Variants in ZMYM2 observed in about 807,000 individuals in gnomAD.
The protein encoded by ZMYM2 is zinc finger MYM-type containing 2.
Under a neutral mutation model 162.8 loss-of-function variants are expected in ZMYM2, and 56 were observed. The ratio of observed to expected loss-of-function variants is 0.34; its 90% CI spans 0.28 to 0.43. The LOEUF is 0.43. ZMYM2 is among the 20% of genes least tolerant of loss of function. ZMYM2 has a pLI of 1.00. For missense variants in ZMYM2, 1,275 were observed against 1,621.8 expected (o/e 0.79, Z 3.67); for synonymous variants, 510 against 541.6 (o/e 0.94, Z 0.81).
intron 8 of ZMYM2, among the ~76,000 whole-genome samples, chr13:20,026,971 C>A (rs1019147592): frequency 6.6e-6 from 1 of 152,002 alleles, no homozygotes; most frequent in Non-Finnish European, 1.5e-5. Flanking sequence ...GTTACTCCAT[C>A]TAAAAAATTA....
the ZMYM2 span, among the ~76,000 whole-genome samples, chr13:19,948,960 T>TTTTTG: frequency 2.0e-5 from 3 of 152,218 alleles, no homozygotes; most frequent in Admixed American, 6.5e-5. Context: ...TGTGTATGTG[T>TTTTTG]TTTTGTTTTG....
upstream of ZMYM2, among the ~76,000 whole-genome samples, chr13:19,958,269 G>A (rs767436252): frequency 2.6e-5 from 4 of 152,194 alleles, no homozygotes; most frequent in Non-Finnish European, 4.4e-5. Context: ...CATCGAGGCC[G>A]CGGCTCTCCT....
chr13:20,021,698 G>C (rs1378228187), intron 7 of ZMYM2, among the ~76,000 whole-genome samples: 2 of 152,154 alleles, frequency 1.3e-5, no homozygotes, highest in Non-Finnish European at 2.9e-5. Context: ...TCCTGGCCAT[G>C]TGTGTTCTTT....
chr13:20,003,252 C>A, intron 4 of ZMYM2, 117 bp downstream of exon 4: 1 of 1,238,320 alleles, frequency 8.1e-7, no homozygotes. Flanking sequence ...GTCCAGGTGG[C>A]ATATGGATAA....
chr13:20,015,395 T>C (rs1951538100), intron 6 of ZMYM2, among the ~76,000 whole-genome samples: 1 of 152,210 alleles, frequency 6.6e-6, no homozygotes, highest in South Asian at 2.1e-4. Flanking sequence ...TGGAAATTGC[T>C]CCATGTGCAT....
intron 2 of ZMYM2, among the ~76,000 whole-genome samples, chr13:19,964,594 C>T (rs1426553173): frequency 6.6e-6 from 1 of 151,976 alleles, no homozygotes; most frequent in Non-Finnish European, 1.5e-5. Context: ...AACTTTTGCA[C>T]GTTTATGTTT....
intron 2 of ZMYM2, among the ~76,000 whole-genome samples, chr13:19,969,830 G>A (rs1956149645): frequency 6.7e-6 from 1 of 150,242 alleles, no homozygotes; most frequent in Non-Finnish European, 1.5e-5. Flanking sequence ...CTTTTTTAAA[G>A]CAATCTGAAA....
chr13:20,077,664 C>T (rs1375374654), intron 21 of ZMYM2, among the ~76,000 whole-genome samples: 3 of 151,996 alleles, frequency 2.0e-5, no homozygotes, highest in African/African-American at 7.3e-5. Flanking sequence ...TACAAGGGCA[C>T]AGTTTACCAG....
chr13:20,007,433 G>A (rs994710351), intron 6 of ZMYM2, among the ~76,000 whole-genome samples: 33 of 151,976 alleles, frequency 2.2e-4, no homozygotes, highest in Non-Finnish European at 3.7e-4. Flanking sequence ...CACTGCACCC[G>A]TCCAGGTTAA....
At chr13:19,941,362 A>G in the ZMYM2 span, among the ~76,000 whole-genome samples, 3 of 152,044 alleles carry the variant, frequency 2.0e-5, no homozygotes, top group African/African-American at 4.8e-5. Context: ...GAAAAACTTT[A>G]GGCGAAATAA....
the ZMYM2 span, among the ~76,000 whole-genome samples, chr13:19,938,971 C>T: frequency 2.0e-5 from 3 of 151,054 alleles, no homozygotes; most frequent in Non-Finnish European, 4.4e-5. Context: ...GAATAAAAGC[C>T]AATTAGATCT....
chr13:19,892,409 C>G, the ZMYM2 span, among the ~76,000 whole-genome samples: 7 of 151,430 alleles, frequency 4.6e-5, no homozygotes, highest in Non-Finnish European at 1.0e-4. Context: ...GTAGCCGGGA[C>G]TACAGGCGCC....
the ZMYM2 span, among the ~76,000 whole-genome samples, chr13:19,949,914 G>A: frequency 9.7e-6 from 1 of 103,050 alleles, no homozygotes; most frequent in African/African-American, 3.7e-5. Flanking sequence ...GAAAAGGAAG[G>A]GAAGGAAGGA....
At chr13:20,007,002 ATGCT>A (rs1950792972) in intron 6 of ZMYM2, among the ~76,000 whole-genome samples, 1 of 152,248 alleles carries the variant, frequency 6.6e-6, no homozygotes, top group Non-Finnish European at 1.5e-5. Flanking sequence ...ATAATGGTAA[ATGCT>A]ATCAGAATGA....
chr13:20,082,011 T>A lies in ZMYM2; in HGVS notation c.3454-5T>A, dbSNP rs897098913. ...AAGTTTGTGGGGCTTTTTTTTTTTT[T>A]ATAGTATTTGTGTGGAAGTAATCGA... On this transcript the variant is annotated splice_polypyrimidine_tract_variant and splice_region_variant and intron_variant, in intron 21 of 24. Transcript: ENST00000610343. The A allele has an allele frequency of 2.0e-6, 3 of 1,474,730 alleles. No individual in the cohort carries two copies. Among genetic ancestry groups the A allele is most frequent in the East Asian group, 2.4e-5 (1 of 41,246 alleles). The allele number at this position is 1,474,730 out of a possible 1,614,324, so 91.4% of individuals were successfully genotyped here.
chr13:20,020,519 C>T (rs373570578), intron 7 of ZMYM2, among the ~76,000 whole-genome samples: 15 of 152,158 alleles, frequency 9.9e-5, no homozygotes, highest in African/African-American at 2.9e-4. Context: ...CCACCGCGCC[C>T]GGCCCATTAT....
rs576738070 is a variant in ZMYM2 at position 20,077,029 on chromosome 13, C to T, written c.3454-4987C>T. Among the ~76,000 whole-genome samples, 6 of 150,370 alleles carry T rather than the reference C, an allele frequency of 4.0e-5. No homozygotes were observed. The East Asian group carries it at 1.2e-3, about 29-fold the overall frequency. ...GTTTTTAGTAGAGACAGGGTTTCAC[C>T]GTGTTGGCCAGGTTTGTCTCGTTCT... On this transcript the variant is annotated intron_variant, in intron 21 of 24. Coordinates refer to ENST00000610343, the MANE Select transcript of ZMYM2 (RefSeq NM_197968.4).
intron 12 of ZMYM2, among the ~76,000 whole-genome samples, chr13:20,037,493 C>T (rs748635768): frequency 1.9e-4 from 29 of 152,012 alleles, no homozygotes; most frequent in Admixed American, 9.2e-4. Flanking sequence ...AGATTACAGG[C>T]GTGAGCCACC....
At chr13:19,899,736 G>C in the ZMYM2 span, among the ~76,000 whole-genome samples, 12 of 146,586 alleles carry the variant, frequency 8.2e-5, no homozygotes, top group Admixed American at 5.6e-4. Flanking sequence ...AGAATCACTT[G>C]AACCCGGGAG....
Sources: allele counts gnomAD v4.1 joint callset (sites outside exome capture counted in the v4.1 genomes callset), GRCh38; gene constraint gnomAD v4.1.1; transcripts MANE v1.5; gene names NCBI Gene and HGNC (gene_info 2026-07-23, HGNC 2026-07-21).